ANKRD29: variants seen among roughly 807,000 people sequenced by gnomAD.
ANKRD29 encodes the protein ankyrin repeat domain 29, also known as ankyrin repeat domain-containing protein 29.
In ANKRD29, 32 loss-of-function variants were observed where a neutral mutation model predicts 38.0. The ratio of observed to expected loss-of-function variants is 0.84; its 90% CI spans 0.64 to 1.13. ANKRD29 has a LOEUF of 1.13. ANKRD29 is among the 50% of genes most tolerant of loss of function. The pLI is 0.00. For missense variants in ANKRD29, 357 were observed against 377.9 expected (o/e 0.94, Z 0.46); for synonymous variants, 135 against 152.4 (o/e 0.89, Z 0.84).
chr18:23,612,515 A>AT (rs1256638700), intron 8 of ANKRD29, among the ~76,000 whole-genome samples: 1 of 152,170 alleles, frequency 6.6e-6, no homozygotes, highest in African/African-American at 2.4e-5. Flanking sequence ...CGTGCCCAAC[A>AT]TTTTTGTTCT....
intron 3 of ANKRD29, among the ~76,000 whole-genome samples, chr18:23,644,208 G>T (rs1265890144): frequency 6.6e-6 from 1 of 152,196 alleles, no homozygotes; most frequent in Non-Finnish European, 1.5e-5. Context: ...CCATAGACTG[G>T]CTAGAAATCA....
chr18:23,634,593 T>C (rs1256510792), intron 4 of ANKRD29, among the ~76,000 whole-genome samples: 1 of 152,112 alleles, frequency 6.6e-6, no homozygotes, highest in East Asian at 1.9e-4. Flanking sequence ...TCCAGCCTAC[T>C]TTCCCTCTTT....
At chr18:23,619,509 G>T (rs2059768113) in intron 7 of ANKRD29, 22 bp downstream of exon 7, 1 of 1,566,278 alleles carries the variant, frequency 6.4e-7, no homozygotes, top group Non-Finnish European at 8.6e-7. Flanking sequence ...TCGCTCTTTG[G>T]CCGCGCGACT....
In ANKRD29 at chr18:23,662,829, G is replaced by A; in HGVS notation, c.-99C>T. The stretch of plus-strand genomic sequence containing the variant: ...CCCGGGGCTCTCGGCGTTCCGCAGA[G>A]GGGCGGCCTCCGACGCCGCGCGCTC... On this transcript the variant is annotated 5_prime_UTR_variant, in exon 1 of 10. Transcript: ENST00000592179. The A allele has an allele frequency of 8.9e-7, 1 of 1,125,434 alleles. No homozygotes were observed. The highest frequency in any genetic ancestry group is 4.7e-5 in the Admixed American group (1 of 21,174). 69.7% of individuals were successfully genotyped at this position (1,125,434 alleles called of 1,614,324 possible).
chr18:23,631,413 T>A (rs532486334), intron 5 of ANKRD29, among the ~76,000 whole-genome samples: 133 of 151,880 alleles, frequency 8.8e-4, no homozygotes, highest in African/African-American at 2.8e-3. Flanking sequence ...GTTAATTTTT[T>A]AAAAAAATTT....
rs199594158 is a variant in ANKRD29 at position 23,629,917 on chromosome 18, C to T, written c.464G>A (p.Gly155Asp). Reference protein sequence around the residue: ...GATALFLAAQGGYLDVIRLLL... With the variant: ...GATALFLAAQDGYLDVIRLLL... ...TAATCGAATAACATCCAAGTAACCA[C>T]CTTGGGCAGCTAGGAAGAGGGCAGT... Residue 155 changes from glycine to aspartate, a missense_variant, in exon 6 of 10, where the codon GGT becomes GAT. Transcript: ENST00000592179. 12 of 1,613,992 alleles carry T rather than the reference C, an allele frequency of 7.4e-6. No individual in the cohort carries two copies. The highest frequency in any genetic ancestry group is 1.6e-4 in the Middle Eastern group (1 of 6,084).
chr18:23,654,611 T>C (rs1356265239), intron 1 of ANKRD29, among the ~76,000 whole-genome samples: 2 of 126,462 alleles, frequency 1.6e-5, no homozygotes, highest in Non-Finnish European at 3.1e-5. Context: ...AGAGCAAGAC[T>C]CTGTCTCAAA....
intron 1 of ANKRD29, among the ~76,000 whole-genome samples, chr18:23,654,446 C>G (rs567867749): frequency 6.6e-6 from 1 of 151,320 alleles, no homozygotes; most frequent in African/African-American, 2.4e-5. Flanking sequence ...AACGTGAAAC[C>G]CTGTTTCTAC....
intron 5 of ANKRD29, among the ~76,000 whole-genome samples, chr18:23,631,884 C>CCCTTCACCCT (rs2059937357): frequency 6.6e-6 from 1 of 152,188 alleles, no homozygotes. Flanking sequence ...TGACAACATT[C>CCCTTCACCCT]GCAGCGCAGG....
intron 3 of ANKRD29, among the ~76,000 whole-genome samples, chr18:23,642,311 A>G (rs2060088305): frequency 6.6e-6 from 1 of 151,836 alleles, no homozygotes; most frequent in African/African-American, 2.4e-5. Context: ...GGGCTATGAT[A>G]TCCTCTTTGG....
intron 4 of ANKRD29, 44 bp from the exon 5 acceptor site, chr18:23,634,193 A>G (rs925984609): frequency 6.7e-7 from 1 of 1,498,508 alleles, no homozygotes; most frequent in Non-Finnish European, 9.3e-7. Flanking sequence ...TGGCGCAGGC[A>G]CATAATTCAC....
At chr18:23,646,866 G>A (rs1025109475) in intron 2 of ANKRD29, 1 of 152,496 alleles carries the variant, frequency 6.6e-6, no homozygotes, top group Non-Finnish European at 1.5e-5. Context: ...TAAAATGAGC[G>A]GTTGGATGGG....
chr18:23,617,677 A>G (rs2059742058), intron 8 of ANKRD29, 55 bp downstream of exon 8: 1 of 1,472,282 alleles, frequency 6.8e-7, no homozygotes, highest in African/African-American at 1.4e-5. Context: ...CCAAGTGAGG[A>G]CTTACTTTCT....
At position 23,635,445 on chromosome 18, in the gene ANKRD29, G is replaced by A. The variant is rs117329756; in HGVS notation, c.331-1296C>T. Among the ~76,000 whole-genome samples, 519 of 152,234 alleles carry A rather than the reference G, an allele frequency of 3.4e-3. 3 individuals are homozygous for A. The highest frequency in any genetic ancestry group is 2.9e-3 in the Non-Finnish European group (197 of 68,020). On this transcript the variant is annotated intron_variant, in intron 4 of 9. Coordinates refer to ENST00000592179, the MANE Select transcript of ANKRD29 (RefSeq NM_173505.4). The stretch of plus-strand genomic sequence containing the variant: ...AACCACATCACACTGCTGACTCATT[G>A]AGTTTGTGGTCAACTAAAATCCTTA...
intron 1 of ANKRD29, chr18:23,649,566 AAC>A: frequency 2.0e-6 from 1 of 488,570 alleles, no homozygotes; most frequent in South Asian, 1.5e-5. Flanking sequence ...TCCTCCCAGA[AAC>A]ACTCCAAATC....
At chr18:23,658,702 A>G (rs1437480069) in intron 1 of ANKRD29, among the ~76,000 whole-genome samples, 1 of 152,190 alleles carries the variant, frequency 6.6e-6, no homozygotes, top group Non-Finnish European at 1.5e-5. Flanking sequence ...CAGTGTAATG[A>G]TTTTAGGAGG....
At position 23,649,549 on chromosome 18, in the gene ANKRD29, T is replaced by C. The variant is rs1011977564; in HGVS notation, c.22-356A>G. The C allele has an allele frequency of 6.6e-5, 33 of 501,984 alleles. No homozygotes were observed. In the Admixed American group the frequency reaches 6.6e-4, roughly 10 times the overall value. The allele number at this position is 501,984 out of a possible 1,614,324, so 31.1% of individuals were successfully genotyped here. ...CTTCAAGGCCAAGGCTCTGCTCGAA[T>C]GCTATTTCCTCCCAGAAACACTCCA... On this transcript the variant is annotated intron_variant, in intron 1 of 9. Transcript: ENST00000592179.
At chr18:23,633,385 C>A (rs1030345705) in intron 5 of ANKRD29, among the ~76,000 whole-genome samples, 1 of 152,198 alleles carries the variant, frequency 6.6e-6, no homozygotes. Context: ...ATCCAATGAG[C>A]GCATTTAGAA....
intron 5 of ANKRD29, among the ~76,000 whole-genome samples, chr18:23,631,688 A>C (rs1291136712): frequency 1.3e-5 from 2 of 152,172 alleles, no homozygotes; most frequent in African/African-American, 4.8e-5. Context: ...ACACCTATAA[A>C]CACAAAAAAG....
Sources: gnomAD v4.1 joint callset for allele counts (sites outside exome capture counted in the v4.1 genomes callset) on GRCh38, gnomAD v4.1.1 for gene constraint, MANE v1.5 for transcripts, NCBI Gene and HGNC (gene_info 2026-07-23, HGNC 2026-07-21) for gene names.